CCDC178: variants seen among roughly 807,000 people sequenced by gnomAD.
The protein encoded by CCDC178 is coiled-coil domain containing 178.
A neutral mutation model predicts 117.4 loss-of-function variants in CCDC178; 126 were observed. The observed-to-expected ratio is 1.07, with a 90% CI of 0.93 to 1.24. The LOEUF is 1.24. Ranked by LOEUF, CCDC178 falls within the 50% of genes most tolerant of loss-of-function variation. The pLI is 0.00. For missense variants in CCDC178, 1,030 were observed against 986.9 expected (o/e 1.04, Z -0.59); for synonymous variants, 283 against 313.4 (o/e 0.90, Z 1.02).
chr18:33,268,446 A>G (rs1286357449), intron 12 of CCDC178, among the ~76,000 whole-genome samples: 1 of 151,874 alleles, frequency 6.6e-6, no homozygotes, highest in Non-Finnish European at 1.5e-5. Context: ...TATACCTCAC[A>G]TCTAACTCAT....
At chr18:33,118,832 C>T (rs1048978216) in intron 20 of CCDC178, among the ~76,000 whole-genome samples, 3 of 152,046 alleles carry the variant, frequency 2.0e-5, no homozygotes, top group Non-Finnish European at 4.4e-5. Context: ...GGTACTGGTA[C>T]CAAAACAGAG....
intron 2 of CCDC178, among the ~76,000 whole-genome samples, chr18:33,420,515 G>A (rs925566383): frequency 4.6e-5 from 7 of 152,046 alleles, no homozygotes; most frequent in Middle Eastern, 3.4e-3. Flanking sequence ...CCCAACACTC[G>A]GCTAATTTTC....
intron 21 of CCDC178, among the ~76,000 whole-genome samples, chr18:33,064,091 G>T (rs970195915): frequency 6.6e-6 from 1 of 152,176 alleles, no homozygotes; most frequent in Non-Finnish European, 1.5e-5. Context: ...TAAATGTGCA[G>T]ATATTAATGT....
At chr18:33,438,238 C>T (rs1381753852) in intron 2 of CCDC178, among the ~76,000 whole-genome samples, 1 of 152,096 alleles carries the variant, frequency 6.6e-6, no homozygotes, top group African/African-American at 2.4e-5. Flanking sequence ...GATCCTCAGA[C>T]CAGTCACATA....
chr18:32,972,741 G>T (rs1687085295), intron 22 of CCDC178, among the ~76,000 whole-genome samples: 1 of 151,988 alleles, frequency 6.6e-6, no homozygotes, highest in African/African-American at 2.4e-5. Context: ...GATGAAGCTG[G>T]GATTATTAGC....
chr18:33,207,049 A>G (rs1475417448), intron 20 of CCDC178, among the ~76,000 whole-genome samples: 1 of 152,138 alleles, frequency 6.6e-6, no homozygotes, highest in African/African-American at 2.4e-5. Context: ...CTGGAGTTTC[A>G]TGTCTTCTGC....
intron 4 of CCDC178, among the ~76,000 whole-genome samples, chr18:33,390,517 G>T (rs2144824616): frequency 6.6e-6 from 1 of 152,174 alleles, no homozygotes; most frequent in African/African-American, 2.4e-5. Flanking sequence ...CGAATGAGCT[G>T]CAAATACATG....
At chr18:33,250,050 A>C (rs1370620307) in intron 14 of CCDC178, among the ~76,000 whole-genome samples, 3 of 151,934 alleles carry the variant, frequency 2.0e-5, no homozygotes, top group Admixed American at 2.0e-4. Context: ...GAGTTCCCTC[A>C]TGATTTGGTT....
chr18:33,052,647 G>T (rs1237674205), intron 21 of CCDC178, among the ~76,000 whole-genome samples: 1 of 152,024 alleles, frequency 6.6e-6, no homozygotes, highest in African/African-American at 2.4e-5. Flanking sequence ...AGGAATATTT[G>T]GAATTTTTGA....
At chr18:33,389,990 A>G (rs910914953) in intron 4 of CCDC178, among the ~76,000 whole-genome samples, 2 of 148,778 alleles carry the variant, frequency 1.3e-5, no homozygotes, top group South Asian at 2.1e-4. Flanking sequence ...ATGCATGTGT[A>G]TGTGTATATA....
intron 21 of CCDC178, among the ~76,000 whole-genome samples, chr18:33,078,974 T>A (rs1598859243): frequency 6.6e-6 from 1 of 152,200 alleles, no homozygotes; most frequent in East Asian, 1.9e-4. Context: ...GCCAAGGCAA[T>A]CCCATGCAAA....
chr18:33,011,767 C>CAAAAAAAAAAAAAAAAAAAAAAAA lies in CCDC178; in HGVS notation c.2389-37110_2389-37087dup, dbSNP rs71177899. On this transcript the variant is annotated intron_variant, in intron 21 of 22. Transcript: ENST00000383096. ...ACGTGGCAAATGATTGAGCAGAATG[C>CAAAAAAAAAAAAAAAAAAAAAAAA]AAAAAAAAAAAAAAAAAAAAAAAAA... Among the ~76,000 whole-genome samples the CAAAAAAAAAAAAAAAAAAAAAAAA allele has an allele frequency of 1.7e-4, 5 of 30,014 alleles. 1 individual carries two copies. The highest frequency in any genetic ancestry group is 4.5e-4 in the Non-Finnish European group (5 of 11,130). 19.7% of individuals were successfully genotyped at this position (30,014 alleles called of 152,430 possible).
At chr18:33,255,169 C>A (rs532952401) in intron 14 of CCDC178, among the ~76,000 whole-genome samples, 1 of 152,026 alleles carries the variant, frequency 6.6e-6, no homozygotes, top group Non-Finnish European at 1.5e-5. Flanking sequence ...TGATGCAGCA[C>A]GAAAGCCCTA....
chr18:33,219,562 G>A (rs2059206581), intron 18 of CCDC178, among the ~76,000 whole-genome samples: 1 of 152,122 alleles, frequency 6.6e-6, no homozygotes, highest in Non-Finnish European at 1.5e-5. Context: ...TTAAGAAAAT[G>A]TGGCACATAT....
chr18:32,984,318 A>G (rs1217406946), intron 21 of CCDC178, among the ~76,000 whole-genome samples: 2 of 151,956 alleles, frequency 1.3e-5, no homozygotes, highest in Non-Finnish European at 2.9e-5. Context: ...TAATTTTTGT[A>G]CTGAATAGTT....
intron 11 of CCDC178, among the ~76,000 whole-genome samples, chr18:33,311,087 T>A (rs555679867): frequency 1.3e-5 from 2 of 152,206 alleles, no homozygotes; most frequent in African/African-American, 4.8e-5. Context: ...AAAACCTCAT[T>A]TGAAGTATTA....
At chr18:33,383,104 C>T (rs2063456222) in intron 5 of CCDC178, among the ~76,000 whole-genome samples, 1 of 152,140 alleles carries the variant, frequency 6.6e-6, no homozygotes, top group African/African-American at 2.4e-5. Context: ...TGGAATTCCC[C>T]ACAGTGCAGC....
intron 20 of CCDC178, among the ~76,000 whole-genome samples, chr18:33,139,855 G>A (rs2058177792): frequency 1.3e-5 from 2 of 152,140 alleles, no homozygotes; most frequent in African/African-American, 4.8e-5. Context: ...TGGGGAAAAT[G>A]TCTCCAGGGC....
intron 21 of CCDC178, among the ~76,000 whole-genome samples, chr18:33,063,456 T>C (rs1349282769): frequency 1.3e-5 from 2 of 152,040 alleles, no homozygotes; most frequent in African/African-American, 4.8e-5. Context: ...GCATGCACCA[T>C]ACAGGGGCAT....
Sources: allele counts gnomAD v4.1 joint callset (sites outside exome capture counted in the v4.1 genomes callset), GRCh38; gene constraint gnomAD v4.1.1; transcripts MANE v1.5; gene names NCBI Gene and HGNC (gene_info 2026-07-23, HGNC 2026-07-21).